Variants in MYOCD observed in about 807,000 individuals in gnomAD.
The protein encoded by MYOCD is myocardin.
In MYOCD, 32 loss-of-function variants were observed where a neutral mutation model predicts 96.1. The observed-to-expected ratio is 0.33, with a 90% CI of 0.25 to 0.45. MYOCD has a LOEUF of 0.45. Among genes scored for constraint, MYOCD ranks in the 20% least tolerant of loss-of-function variants. MYOCD has a pLI of 1.00. For missense variants in MYOCD, 1,133 were observed against 1,200.6 expected (o/e 0.94, Z 0.83); for synonymous variants, 469 against 469.0 (o/e 1.00, Z 0.00).
At chr17:12,757,785 C>G (rs1377042904) in intron 11 of MYOCD, among the ~76,000 whole-genome samples, 2 of 152,098 alleles carry the variant, frequency 1.3e-5, no homozygotes, top group African/African-American at 4.8e-5. Context: ...TGAGCCATCA[C>G]GCCTAGCCTG....
At chr17:12,718,604 T>A (rs571816676) in intron 4 of MYOCD, among the ~76,000 whole-genome samples, 24 of 152,230 alleles carry the variant, frequency 1.6e-4, no homozygotes, top group South Asian at 4.1e-4. Flanking sequence ...CTAAAGTAGG[T>A]GGGATATTTT....
chr17:12,758,179 C>A lies in MYOCD; in HGVS notation c.2297C>A (p.Thr766Lys). ...TCAAGTTCAGCAATTTCAGAGGTAA[C>A]ACAGCCTCCATCCTATGAAGATGCC... The part of the protein sequence containing the change: ...SKSSSAISEV[T>K]QPPSYEDAVK... The change falls in exon 12 of 14, where the codon ACA becomes AAA. Residue 766 changes from threonine to lysine, a missense_variant. Thr to Lys is a moderately conservative substitution (Grantham distance 78, BLOSUM62 -1). Transcript: ENST00000425538. 1 of 1,614,150 alleles carries A rather than the reference C, an allele frequency of 6.2e-7. No homozygotes were observed. Among genetic ancestry groups the A allele is most frequent in the Non-Finnish European group, 8.5e-7 (1 of 1,179,996 alleles).
At chr17:12,666,846 A>G (rs1909406721) in intron 1 of MYOCD, among the ~76,000 whole-genome samples, 1 of 152,212 alleles carries the variant, frequency 6.6e-6, no homozygotes, top group Non-Finnish European at 1.5e-5. Flanking sequence ...TTTCTGTGTT[A>G]GTGGCACATG....
At chr17:12,679,248 G>A (rs1284968702) in intron 1 of MYOCD, among the ~76,000 whole-genome samples, 1 of 152,048 alleles carries the variant, frequency 6.6e-6, no homozygotes, top group East Asian at 1.9e-4. Context: ...ATCTGCACTG[G>A]CTTCAAGATT....
intron 5 of MYOCD, among the ~76,000 whole-genome samples, chr17:12,725,963 A>G (rs1306111313): frequency 6.6e-6 from 1 of 152,142 alleles, no homozygotes; most frequent in Non-Finnish European, 1.5e-5. Flanking sequence ...TGATATTGCT[A>G]CCTTTCCTAA....
chr17:12,763,451 G>A lies in MYOCD; in HGVS notation c.2768G>A (p.Ser923Asn), dbSNP rs201316990. Reference sequence around the variant, plus strand: ...CAGTTTTCACCCTCTTCTGTGGACAGCAATGGGCTGCAGTTAAGCTTCACT... The same window carrying A: ...CAGTTTTCACCCTCTTCTGTGGACAACAATGGGCTGCAGTTAAGCTTCACT... ...QTQFSPSSVD[S>N]NGLQLSFTES... The change falls in exon 14 of 14, where the codon AGC (serine) becomes AAC (asparagine). Residue 923 changes from serine to asparagine, a missense_variant. Coordinates refer to ENST00000425538, the MANE Select transcript of MYOCD (RefSeq NM_001146312.3). 1.2e-6 allele frequency: 2 copies of A among 1,614,056 alleles called. No homozygotes were observed. Among genetic ancestry groups the A allele is most frequent in the African/African-American group, 1.3e-5 (1 of 75,046 alleles).
intron 1 of MYOCD, among the ~76,000 whole-genome samples, chr17:12,670,984 C>T (rs191238486): frequency 1.0e-3 from 153 of 152,358 alleles, no homozygotes; most frequent in African/African-American, 3.5e-3. Context: ...CCTTCCCTCA[C>T]CATCTTAATC....
chr17:12,752,267 G>A, intron 9 of MYOCD, 147 bp from the exon 10 acceptor site: 1 of 669,178 alleles, frequency 1.5e-6, no homozygotes, highest in South Asian at 2.0e-5. Flanking sequence ...TATATCAGGG[G>A]TAGGAGAGGA....
Position 12,744,212 on chromosome 17 carries a change from C to A in MYOCD, c.747C>A (p.Arg249=). Residue 249 remains arginine, a synonymous_variant, in exon 8 of 14, where the codon CGC becomes CGA. Transcript: ENST00000425538. The stretch of plus-strand genomic sequence containing the variant: ...AATCCTTGGGTGACAGTAAGAACCG[C>A]CACAAAAAGCCCAAGGACCCCAAGC... ...KSKSLGDSKN[R]HKKPKDPKPK... is the part of the protein sequence containing the mutation. The A allele has an allele frequency of 6.2e-7, 1 of 1,614,120 alleles. No homozygotes were observed. Among genetic ancestry groups the A allele is most frequent in the Non-Finnish European group, 8.5e-7 (1 of 1,180,028 alleles).
intron 1 of MYOCD, among the ~76,000 whole-genome samples, chr17:12,701,796 T>A (rs1473626095): frequency 6.6e-6 from 1 of 152,196 alleles, no homozygotes; most frequent in African/African-American, 2.4e-5. Flanking sequence ...AAAATATTTT[T>A]AATTACTCTC....
At chr17:12,762,291 T>C (rs190219431) in intron 13 of MYOCD, 1 of 152,336 alleles carries the variant, frequency 6.6e-6, no homozygotes, top group Non-Finnish European at 1.5e-5. Flanking sequence ...AGTGATAACA[T>C]AGTAGAGTCT....
chr17:12,692,170 A>G (rs955428278), intron 1 of MYOCD, among the ~76,000 whole-genome samples: 4 of 152,178 alleles, frequency 2.6e-5, no homozygotes, highest in African/African-American at 9.6e-5. Flanking sequence ...CTTCATGTAA[A>G]TGGCATAACC....
At chr17:12,755,783 A>T (rs1468450696) in intron 10 of MYOCD, among the ~76,000 whole-genome samples, 1 of 152,154 alleles carries the variant, frequency 6.6e-6, no homozygotes, top group African/African-American at 2.4e-5. Flanking sequence ...GAGGTAAGGG[A>T]ATAGCCTGAA....
chr17:12,763,199 G>A lies in MYOCD; in HGVS notation c.2516G>A (p.Gly839Asp), dbSNP rs2033234422. ...PSASFEQASS[G>D]SQIPFDPYAT... The stretch of plus-strand genomic sequence containing the variant: ...GCTTCCTTTGAACAAGCCTCTTCAG[G>A]CAGCCAGATCCCCTTTGATCCCTAT... Residue 839 changes from glycine to aspartate, a missense_variant, in exon 14 of 14, where the codon GGC becomes GAC. Transcript: ENST00000425538. 1.2e-6 allele frequency: 2 copies of A among 1,613,976 alleles called. No individual in the cohort carries two copies. Among genetic ancestry groups the A allele is most frequent in the Admixed American group, 1.7e-5 (1 of 59,996 alleles).
At chr17:12,701,051 A>T (rs535725614) in intron 1 of MYOCD, among the ~76,000 whole-genome samples, 5 of 152,350 alleles carry the variant, frequency 3.3e-5, no homozygotes, top group African/African-American at 1.2e-4. Flanking sequence ...ATTTATTAAC[A>T]CAAATTTGTT....
intron 7 of MYOCD, among the ~76,000 whole-genome samples, chr17:12,743,098 G>A (rs952327517): frequency 1.3e-5 from 2 of 152,104 alleles, no homozygotes; most frequent in Non-Finnish European, 2.9e-5. Flanking sequence ...TTAAAGTTAA[G>A]TAATTGTACC....
chr17:12,707,621 G>A (rs2150676192), intron 2 of MYOCD, among the ~76,000 whole-genome samples: 1 of 152,310 alleles, frequency 6.6e-6, no homozygotes, highest in Non-Finnish European at 1.5e-5. Flanking sequence ...GGCTGAGGCA[G>A]GAGAATGGCG....
chr17:12,720,695 T>C, intron 4 of MYOCD, among the ~76,000 whole-genome samples: 1 of 152,018 alleles, frequency 6.6e-6, no homozygotes, highest in East Asian at 1.9e-4. Flanking sequence ...CCAATCAATA[T>C]AAATAACTAA....
intron 1 of MYOCD, among the ~76,000 whole-genome samples, chr17:12,674,105 A>G (rs926272668): frequency 3.9e-5 from 6 of 152,182 alleles, no homozygotes; most frequent in African/African-American, 1.4e-4. Flanking sequence ...AATCCTTACA[A>G]AAATGTGATT....
Sources: gnomAD v4.1 joint callset for allele counts (sites outside exome capture counted in the v4.1 genomes callset) on GRCh38, gnomAD v4.1.1 for gene constraint, MANE v1.5 for transcripts, NCBI Gene and HGNC (gene_info 2026-07-23, HGNC 2026-07-21) for gene names.